PC: variants seen among roughly 807,000 people sequenced by gnomAD.
PC encodes the protein pyruvate carboxylase, mitochondrial.
Under a neutral mutation model 107.8 loss-of-function variants are expected in PC, and 46 were observed. The observed-to-expected ratio is 0.43, with a 90% CI of 0.34 to 0.55. The LOEUF (loss-of-function observed/expected upper bound fraction) is 0.55, where lower values mean the gene tolerates loss of function less well. Ranked by LOEUF, PC falls within the 20% of genes least tolerant of loss-of-function variation. The pLI is 0.04. For missense variants in PC, 1,241 were observed against 1,643.1 expected, an observed-to-expected ratio of 0.76 and a Z score of 4.23; for synonymous variants, 662 against 684.7, an observed-to-expected ratio of 0.97 and a Z score of 0.52.
At chr11:66,930,741 T>TAAA (rs34424812) in intron 3 of PC, among the ~76,000 whole-genome samples, 1 of 99,268 alleles carries the variant, frequency 1.0e-5, no homozygotes, top group African/African-American at 3.8e-5. Flanking sequence ...GACTCTGTCT[T>TAAA]AAAAAAAAAA....
rs1945951462 is a variant in PC at position 66,857,730 on chromosome 11, T to C, written c.1369-4347A>G. 6.3e-7 allele frequency: 1 copy of C among 1,582,640 alleles called. No homozygotes were observed. The highest frequency in any genetic ancestry group is 8.5e-7 in the Non-Finnish European group (1 of 1,170,460). On this transcript the variant is annotated intron_variant, in intron 12 of 22. Transcript: ENST00000393960. This position sits in a 1 kb window ranked among gnomAD's most constrained non-coding sequence, Gnocchi z 7.1. Reference sequence around the variant, plus strand: ...CTGTGCCTGGGCTGTGGCCCCTTCCTACAGGGCGCTCACCATGGCCCCGCC... The same window carrying C: ...CTGTGCCTGGGCTGTGGCCCCTTCCCACAGGGCGCTCACCATGGCCCCGCC...
intron 3 of PC, among the ~76,000 whole-genome samples, chr11:66,892,831 G>T (rs1309889083): frequency 2.0e-5 from 3 of 151,974 alleles, no homozygotes; most frequent in African/African-American, 7.3e-5. Flanking sequence ...TTCTAGCCTG[G>T]GTGACAGAGC....
intron 21 of PC, 72 bp downstream of exon 21, chr11:66,849,539 A>C: frequency 7.4e-6 from 12 of 1,612,546 alleles, no homozygotes; most frequent in Non-Finnish European, 1.0e-5. Context: ...GCTGGGTGAC[A>C]GCCAAGCTAA....
chr11:66,880,352 G>C (rs972640105), intron 3 of PC, among the ~76,000 whole-genome samples: 3 of 152,164 alleles, frequency 2.0e-5, no homozygotes, highest in African/African-American at 7.2e-5. Context: ...GAGGAGCTGG[G>C]TGGGCAGACT....
At chr11:66,895,694 T>G (rs1016574696) in intron 3 of PC, among the ~76,000 whole-genome samples, 1 of 151,004 alleles carries the variant, frequency 6.6e-6, no homozygotes, top group African/African-American at 2.4e-5. Flanking sequence ...GACAAAGAGA[T>G]GGAAAATAGG....
At position 66,863,883 on chromosome 11, in the gene PC, G is replaced by T; in HGVS notation, c.1259C>A (p.Pro420His). 1 of 1,614,116 alleles carries T rather than the reference G, an allele frequency of 6.2e-7. No individual in the cohort carries two copies. The highest frequency in any genetic ancestry group is 8.5e-7 in the Non-Finnish European group (1 of 1,180,032). ...TTTGACCAGCAGGGAGTCGTAGTGG[G>T]GCGAGATGACGGCTCCTTGGAAGGC... Reference protein sequence around the residue: ...ASAFQGAVISPHYDSLLVKVI... With the variant: ...ASAFQGAVISHHYDSLLVKVI... The change falls in exon 12 of 23, where the codon CCC (proline) becomes CAC (histidine). Residue 420 changes from proline to histidine, a missense_variant. Transcript: ENST00000393960.
Position 66,866,067 on chromosome 11 carries a change from G to A in PC, c.1185+120C>T. ...CCGTGTACTCTATGTCCACTTCAGA[G>A]CCCACATGCGGGTCCTCCCTAACTG... On this transcript the variant is annotated intron_variant, in intron 11 of 22. Transcript: ENST00000393960. This position sits in a 1 kb window ranked among gnomAD's most constrained non-coding sequence, Gnocchi z 5.4. 1 of 1,117,534 alleles carries A rather than the reference G, an allele frequency of 8.9e-7. No individual in the cohort carries two copies. The highest frequency in any genetic ancestry group is 1.3e-6 in the Non-Finnish European group (1 of 770,008). The allele number at this position is 1,117,534 out of a possible 1,614,324, so 69.2% of individuals were successfully genotyped here.
chr11:66,924,444 A>G (rs971790908), intron 3 of PC, among the ~76,000 whole-genome samples: 1 of 151,782 alleles, frequency 6.6e-6, no homozygotes, highest in Non-Finnish European at 1.5e-5. Flanking sequence ...GAAAGAAAGG[A>G]AAAAAGTTAG....
rs11820976 is a variant in PC, at chr11:66,854,107, C to A, written c.1369-724G>T. The stretch of plus-strand genomic sequence containing the variant: ...ACCAAAACCTGCATCCCATCACCCT[C>A]ATCACCCACTCCTCCCATGCCACTG... On this transcript the variant is annotated intron_variant, in intron 12 of 22. Transcript: ENST00000393960. 6.9e-3 allele frequency among the ~76,000 whole-genome samples: 1,056 copies of A among 152,334 alleles called. 8 individuals carry two copies. The highest frequency in any genetic ancestry group is 0.024 in the African/African-American group (983 of 41,572).
intron 3 of PC, among the ~76,000 whole-genome samples, chr11:66,938,396 T>A (rs1438844990): frequency 1.3e-5 from 2 of 152,170 alleles, no homozygotes; most frequent in Non-Finnish European, 2.9e-5. Flanking sequence ...CAGCAATCTA[T>A]ATCTCATATG....
At position 66,858,043 on chromosome 11, in the gene PC, C is replaced by G; in HGVS notation, c.1369-4660G>C. 6.2e-7 allele frequency: 1 copy of G among 1,611,200 alleles called. No homozygotes were observed. The highest frequency in any genetic ancestry group is 1.7e-5 in the Admixed American group (1 of 60,012). On this transcript the variant is annotated intron_variant, in intron 12 of 22. Transcript: ENST00000393960. The surrounding 1 kb of genome is among the most constrained non-coding windows in gnomAD (Gnocchi z 5.9). ...TTTGGGGACCTCGAGAGCCTGCGTT[C>G]CCTCCACCTTGACGGCAACAGGCTG...
chr11:66,935,480 C>A (rs759557306), intron 3 of PC, among the ~76,000 whole-genome samples: 2 of 152,088 alleles, frequency 1.3e-5, no homozygotes, highest in Admixed American at 6.6e-5. Context: ...ACAAGCCATG[C>A]GACAACAAAT....
Position 66,849,815 on chromosome 11 carries a change from G to A in PC, c.2943C>T (p.Ser981=), listed in dbSNP as rs765098574. 6.2e-7 allele frequency: 1 copy of A among 1,613,910 alleles called. No individual in the cohort carries two copies. The highest frequency in any genetic ancestry group is 8.5e-7 in the Non-Finnish European group (1 of 1,180,014). ...GTGCCTGCAGATCCAGGGGAGGGAG[G>A]GAGGCTCCAGGCCGCCCCTCCACCC... ...LPRVEGRPGA[S]LPPLDLQALE... The change falls in exon 21 of 23, where the codon TCC becomes TCT. Residue 981 remains serine, a synonymous_variant. Coordinates refer to ENST00000393960, the MANE Select transcript of PC (RefSeq NM_001040716.2).
chr11:66,863,070 G>A lies in PC; in HGVS notation c.1368+704C>T, dbSNP rs552683817. On this transcript the variant is annotated intron_variant, in intron 12 of 22. Coordinates refer to ENST00000393960, the MANE Select transcript of PC (RefSeq NM_001040716.2). ...AAGAATTATCTGGGAGGCCAGGCACGGTGGCTCACACCTGTAATCTCAGCA... is the reference window on the plus strand; with the variant it reads ...AAGAATTATCTGGGAGGCCAGGCACAGTGGCTCACACCTGTAATCTCAGCA... Among the ~76,000 whole-genome samples the A allele has an allele frequency of 3.9e-5, 6 of 152,324 alleles. No homozygotes were observed. In the East Asian group the frequency reaches 7.7e-4, roughly 20 times the overall value.
chr11:66,861,923 C>T (rs780861591), intron 12 of PC, among the ~76,000 whole-genome samples: 95 of 152,140 alleles, frequency 6.2e-4, no homozygotes, highest in Non-Finnish European at 1.1e-3. Context: ...AGCTGCACCC[C>T]TAGCAGGCGC....
At chr11:66,876,602 G>A (rs1035985849) in intron 3 of PC, among the ~76,000 whole-genome samples, 3 of 152,224 alleles carry the variant, frequency 2.0e-5, no homozygotes, top group African/African-American at 7.2e-5. Context: ...ATGAACGTCA[G>A]ACGTTATCAC....
intron 3 of PC, among the ~76,000 whole-genome samples, chr11:66,874,865 T>C (rs1435719300): frequency 6.6e-6 from 1 of 152,062 alleles, no homozygotes; most frequent in Non-Finnish European, 1.5e-5. Flanking sequence ...GGGGGCTGGA[T>C]ATTAGAAAAG....
intron 3 of PC, among the ~76,000 whole-genome samples, chr11:66,873,776 C>G (rs138103239): frequency 6.6e-6 from 1 of 150,492 alleles, no homozygotes; most frequent in Non-Finnish European, 1.5e-5. Context: ...TGATTCATTT[C>G]TTTCTTTTGA....
Position 66,857,100 on chromosome 11 carries a change from C to A in PC, c.1369-3717G>T, listed in dbSNP as rs1945901075. 1 of 147,654 alleles carries A rather than the reference C, an allele frequency of 6.8e-6. No homozygotes were observed. Among genetic ancestry groups the A allele is most frequent in the Non-Finnish European group, 1.5e-5 (1 of 66,262 alleles). The allele number at this position is 147,654 out of a possible 1,614,324, so 9.1% of individuals were successfully genotyped here. A position where few individuals can be genotyped will look rare whatever the true frequency, so the allele number is the denominator to read the frequency against. Reference sequence around the variant, plus strand: ...CCCGCTCGCCTGTCGCCGCCGCCACCGCTAACCGCGCCGGGAAAAGGTGCC... The same window carrying A: ...CCCGCTCGCCTGTCGCCGCCGCCACAGCTAACCGCGCCGGGAAAAGGTGCC... On this transcript the variant is annotated intron_variant, in intron 12 of 22. Coordinates refer to ENST00000393960, the MANE Select transcript of PC (RefSeq NM_001040716.2). The surrounding 1 kb of genome is among the most constrained non-coding windows in gnomAD (Gnocchi z 7.1).
Sources: allele counts gnomAD v4.1 joint callset (sites outside exome capture counted in the v4.1 genomes callset), GRCh38; gene constraint gnomAD v4.1.1; non-coding constraint Gnocchi (gnomAD v3.1); transcripts MANE v1.5; gene names NCBI Gene and HGNC (gene_info 2026-07-23, HGNC 2026-07-21).